TMEM132D: variants seen among roughly 807,000 people sequenced by gnomAD.
TMEM132D encodes the protein transmembrane protein 132D.
TMEM132D carries 21 observed loss-of-function variants against 62.3 expected under a neutral mutation model. The ratio of observed to expected loss-of-function variants is 0.34; its 90% CI spans 0.24 to 0.49. The LOEUF (loss-of-function observed/expected upper bound fraction) is 0.49, where lower values mean the gene tolerates loss of function less well. Among genes scored for constraint, TMEM132D ranks in the 20% least tolerant of loss-of-function variants. The probability of loss-of-function intolerance (pLI) is 0.99; values close to 1 mark genes in which losing one functional copy is unlikely to be tolerated. For synonymous variants in TMEM132D, 621 were observed against 575.6 expected (o/e 1.08, Z -1.13); for missense variants, 1,346 against 1,402.8 (o/e 0.96, Z 0.65).
At chr12:129,237,613 T>C (rs556376416) in intron 4 of TMEM132D, among the ~76,000 whole-genome samples, 2 of 152,324 alleles carry the variant, frequency 1.3e-5, no homozygotes, top group South Asian at 4.1e-4. Flanking sequence ...AGGATGGCAA[T>C]TTTTAAAACT....
chr12:129,096,492 C>A (rs1875121412), intron 5 of TMEM132D, among the ~76,000 whole-genome samples: 1 of 152,182 alleles, frequency 6.6e-6, no homozygotes, highest in Non-Finnish European at 1.5e-5. Flanking sequence ...CAGGGAGGAG[C>A]CCCACTTTGG....
chr12:129,622,725 T>C (rs1236566581), intron 2 of TMEM132D, among the ~76,000 whole-genome samples: 1 of 152,180 alleles, frequency 6.6e-6, no homozygotes, highest in Admixed American at 6.5e-5. Context: ...TTCTTTTCCA[T>C]GTGGTCCCAA....
intron 5 of TMEM132D, chr12:129,169,957 CA>C (rs1877674465): frequency 6.6e-6 from 1 of 152,206 alleles, no homozygotes; most frequent in Non-Finnish European, 1.5e-5. Context: ...ATCAAATACA[CA>C]AATGTTCTAT....
chr12:129,561,333 T>C (rs569953996), intron 2 of TMEM132D, among the ~76,000 whole-genome samples: 1 of 152,188 alleles, frequency 6.6e-6, no homozygotes, highest in African/African-American at 2.4e-5. Flanking sequence ...AGGTTTTGAA[T>C]CCTCCCTGAC....
chr12:129,322,355 C>A (rs1868746428), intron 4 of TMEM132D, among the ~76,000 whole-genome samples: 1 of 152,106 alleles, frequency 6.6e-6, no homozygotes, highest in South Asian at 2.1e-4. Context: ...TTTCTTTCCA[C>A]CAGCCTTAAT....
At chr12:129,760,395 G>A (rs1354592619) in intron 1 of TMEM132D, among the ~76,000 whole-genome samples, 6 of 141,568 alleles carry the variant, frequency 4.2e-5, no homozygotes, top group South Asian at 2.3e-4. Context: ...GCAGTGGCGC[G>A]ATCTCGGCTC....
chr12:129,078,487 C>T (rs774600321), intron 8 of TMEM132D, 47 bp downstream of exon 8: 4 of 1,579,074 alleles, frequency 2.5e-6, no homozygotes, highest in South Asian at 1.1e-5. Flanking sequence ...GTGTGATCCA[C>T]TTGGTGAGGG....
At chr12:129,191,477 A>G (rs1300293421) in intron 5 of TMEM132D, among the ~76,000 whole-genome samples, 1 of 151,888 alleles carries the variant, frequency 6.6e-6, no homozygotes, top group Non-Finnish European at 1.5e-5. Context: ...AAACTATTAT[A>G]AAGGATATAT....
intron 4 of TMEM132D, chr12:129,262,962 TG>T (rs1880590695): frequency 7.5e-6 from 1 of 132,724 alleles, no homozygotes; most frequent in African/African-American, 2.6e-5. Context: ...GGCTTCTGGT[TG>T]GGGTTGGGGT....
chr12:129,611,729 T>A (rs936780012), intron 2 of TMEM132D, among the ~76,000 whole-genome samples: 1 of 152,190 alleles, frequency 6.6e-6, no homozygotes, highest in Non-Finnish European at 1.5e-5. Flanking sequence ...GAACTAGAGA[T>A]AATTCATCAT....
chr12:129,370,229 C>T (rs1021246677), intron 3 of TMEM132D, among the ~76,000 whole-genome samples: 1 of 152,164 alleles, frequency 6.6e-6, no homozygotes, highest in Non-Finnish European at 1.5e-5. Context: ...ACACAAAGTC[C>T]TCTGGTGTGC....
At chr12:129,263,329 G>C (rs373477693) in intron 4 of TMEM132D, among the ~76,000 whole-genome samples, 6 of 152,156 alleles carry the variant, frequency 3.9e-5, no homozygotes, top group Non-Finnish European at 7.4e-5. Context: ...GATCCAGAAA[G>C]AACTTGGACA....
intron 1 of TMEM132D, among the ~76,000 whole-genome samples, chr12:129,893,138 G>A (rs1874984090): frequency 6.6e-6 from 1 of 152,094 alleles, no homozygotes; most frequent in African/African-American, 2.4e-5. Context: ...GCCTCCCAAA[G>A]TGCTGGGATT....
chr12:129,776,644 G>C (rs1193661543), intron 1 of TMEM132D, among the ~76,000 whole-genome samples: 4 of 150,506 alleles, frequency 2.7e-5, no homozygotes, highest in African/African-American at 9.8e-5. Flanking sequence ...AATACACTTG[G>C]TGATAAACAT....
chr12:129,421,926 G>A (rs1046645211), intron 3 of TMEM132D, among the ~76,000 whole-genome samples: 1 of 152,096 alleles, frequency 6.6e-6, no homozygotes, highest in African/African-American at 2.4e-5. Flanking sequence ...CAAATGCACA[G>A]GTGTGTGTCT....
chr12:129,076,405 A>AT (rs111911244), intron 8 of TMEM132D, among the ~76,000 whole-genome samples: 20 of 151,526 alleles, frequency 1.3e-4, no homozygotes, highest in Middle Eastern at 3.4e-3. Context: ...GCTTGAGTGG[A>AT]TTTTTTTTTC....
intron 5 of TMEM132D, among the ~76,000 whole-genome samples, chr12:129,115,253 C>T (rs1875859407): frequency 6.6e-6 from 1 of 152,200 alleles, no homozygotes; most frequent in South Asian, 2.1e-4. Flanking sequence ...TAGCAGGACC[C>T]ACAAGCATGA....
At chr12:129,497,662 GA>G (rs1219891844) in intron 3 of TMEM132D, among the ~76,000 whole-genome samples, 1 of 151,802 alleles carries the variant, frequency 6.6e-6, no homozygotes, top group African/African-American at 2.4e-5. Flanking sequence ...CCTGTTATTT[GA>G]TTTTGTTTTT....
At chr12:129,252,002 C>T (rs192707357) in intron 4 of TMEM132D, among the ~76,000 whole-genome samples, 2 of 152,120 alleles carry the variant, frequency 1.3e-5, no homozygotes, top group Non-Finnish European at 2.9e-5. Context: ...GAAAAATAAA[C>T]CCCTATTGTG....
Sources: gnomAD v4.1 joint callset for allele counts (sites outside exome capture counted in the v4.1 genomes callset) on GRCh38, gnomAD v4.1.1 for gene constraint, MANE v1.5 for transcripts, NCBI Gene and HGNC (gene_info 2026-07-23, HGNC 2026-07-21) for gene names.